The following IL1F10 variants were observed in gnomAD, a reference collection of about 807,000 sequenced individuals.
IL1F10 encodes the protein interleukin 1 family member 10, also known as interleukin-1 family member 10.
IL1F10 carries 13 observed loss-of-function variants against 13.1 expected under a neutral mutation model. The ratio of observed to expected loss-of-function variants is 0.99; its 90% CI spans 0.64 to 1.57. IL1F10 has a LOEUF of 1.57. IL1F10 is among the 40% of genes most tolerant of loss of function. The pLI, the probability that IL1F10 is intolerant of heterozygous loss-of-function variation, is 0.00. For synonymous variants in IL1F10, 78 were observed against 68.2 expected (o/e 1.14, Z -0.71); for missense variants, 191 against 184.1 (o/e 1.04, Z -0.22).
At chr2:113,071,473 T>C (rs919238653) in intron 1 of IL1F10, among the ~76,000 whole-genome samples, 1 of 152,246 alleles carries the variant, frequency 6.6e-6, no homozygotes, top group African/African-American at 2.4e-5. Flanking sequence ...CAGAATGCTT[T>C]AAGACTTTCA....
intron 2 of IL1F10, among the ~76,000 whole-genome samples, chr2:113,073,724 C>T (rs894627225): frequency 1.3e-5 from 2 of 152,114 alleles, no homozygotes; most frequent in East Asian, 3.9e-4. Context: ...AGAAAAATCC[C>T]CTGGAGGTGG....
At position 113,074,369 on chromosome 2, in the gene IL1F10, G is replaced by A; in HGVS notation, c.73G>A (p.Gly25Ser). Residue 25 changes from glycine to serine, a missense_variant, in exon 3 of 5, where the codon GGC becomes AGC. Physicochemically the swap from Gly to Ser is moderately conservative, Grantham distance 56 (BLOSUM62 0). Coordinates refer to ENST00000341010, the MANE Select transcript of IL1F10 (RefSeq NM_173161.3). The stretch of plus-strand genomic sequence containing the variant: ...CCAGAAGGCTCTATACACAAGAGAT[G>A]GCCAGCTGCTGGTGGGAGATCCTGT... ...ADQKALYTRDGQLLVGDPVAD... is the reference protein window; with the variant it reads ...ADQKALYTRDSQLLVGDPVAD... 6.2e-7 allele frequency: 1 copy of A among 1,613,920 alleles called. No homozygotes were observed. The highest frequency in any genetic ancestry group is 2.2e-5 in the East Asian group (1 of 44,880).
intron 3 of IL1F10, 126 bp from the exon 4 acceptor site, chr2:113,074,597 A>T (rs1479443199): frequency 2.4e-6 from 3 of 1,263,892 alleles, no homozygotes; most frequent in Non-Finnish European, 3.5e-6. Flanking sequence ...CTCACCGTCC[A>T]GTCTGCATGC....
At chr2:113,072,580 G>T in intron 1 of IL1F10, 131 bp from the exon 2 acceptor site, 1 of 605,398 alleles carries the variant, frequency 1.7e-6, no homozygotes, top group Non-Finnish European at 2.9e-6. Flanking sequence ...GTGGATTCTG[G>T]CAGGCCAATT....
At chr2:113,071,064 T>C (rs963186320) in intron 1 of IL1F10, among the ~76,000 whole-genome samples, 2 of 152,258 alleles carry the variant, frequency 1.3e-5, no homozygotes, top group Admixed American at 6.5e-5. Flanking sequence ...ATGTTCATTA[T>C]AGGAAAATGT....
At chr2:113,073,194 A>T (rs1450695290) in intron 2 of IL1F10, among the ~76,000 whole-genome samples, 2 of 152,130 alleles carry the variant, frequency 1.3e-5, no homozygotes, top group African/African-American at 2.4e-5. Flanking sequence ...TGTGGCCTTT[A>T]CTCCCAGTGT....
In IL1F10 at chr2:113,074,815, G is replaced by A; in HGVS notation, c.211G>A (p.Val71Met). Residue 71 changes from valine to methionine, a missense_variant, in exon 4 of 5, where the codon GTG becomes ATG. Coordinates refer to ENST00000341010, the MANE Select transcript of IL1F10 (RefSeq NM_173161.3). ...IQGGSRCLAC[V>M]ETEEGPSLQL... ...GGGAGGGAGCCGCTGCCTGGCATGT[G>A]TGGAGACAGAAGAGGGGCCTTCCCT... 3.7e-6 allele frequency: 6 copies of A among 1,613,170 alleles called. No individual in the cohort carries two copies. Among genetic ancestry groups the A allele is most frequent in the Non-Finnish European group, 5.1e-6 (6 of 1,180,018 alleles).
chr2:113,072,723 A>T lies in IL1F10; in HGVS notation c.-16A>T, dbSNP rs1317234740. ...TCCTCCCCATCAGTGAGGACCAGACACCACTGATTGCAGGAATGTGTTCCC... is the reference window on the plus strand; with the variant it reads ...TCCTCCCCATCAGTGAGGACCAGACTCCACTGATTGCAGGAATGTGTTCCC... On this transcript the variant is annotated 5_prime_UTR_variant, in exon 2 of 5. Transcript: ENST00000341010. 1.2e-6 allele frequency: 2 copies of T among 1,611,080 alleles called. No individual in the cohort carries two copies. The highest frequency in any genetic ancestry group is 1.7e-6 in the Non-Finnish European group (2 of 1,177,908).
At position 113,075,432 on chromosome 2, in the gene IL1F10, A is replaced by G; in HGVS notation, c.*68A>G. The G allele has an allele frequency of 8.5e-7, 1 of 1,182,404 alleles. No homozygotes were observed. Among genetic ancestry groups the G allele is most frequent in the Non-Finnish European group, 1.2e-6 (1 of 835,370 alleles). 73.2% of individuals were successfully genotyped at this position (1,182,404 alleles called of 1,614,324 possible). ...GCTCATCCTGCTCAGGGTCTATGGTAGGCAGAATAATGTCCCCCGAAATAT... is the reference window on the plus strand; with the variant it reads ...GCTCATCCTGCTCAGGGTCTATGGTGGGCAGAATAATGTCCCCCGAAATAT... On this transcript the variant is annotated 3_prime_UTR_variant, in exon 5 of 5. Coordinates refer to ENST00000341010, the MANE Select transcript of IL1F10 (RefSeq NM_173161.3).
At chr2:113,074,475 C>T (rs760645493) in intron 3 of IL1F10, 61 bp downstream of exon 3, 52 of 1,338,058 alleles carry the variant, frequency 3.9e-5, no homozygotes, top group Non-Finnish European at 5.5e-5. Flanking sequence ...TTCTCTTCTT[C>T]CCTTTCCTCC....
rs369094255 is a variant in IL1F10, at chr2:113,069,119, G to A, written c.-29+1103G>A. On this transcript the variant is annotated intron_variant, in intron 1 of 4. Transcript: ENST00000341010. ...GACAATGAGAAGGGATGACTTTTGA[G>A]GCAGGGAGAACAATGGGACACCTGT... is the stretch of plus-strand genomic sequence containing the variant. Among the ~76,000 whole-genome samples, 7 of 152,194 alleles carry A rather than the reference G, an allele frequency of 4.6e-5. No homozygotes were observed. In the East Asian group the frequency reaches 1.3e-3, roughly 29 times the overall value.
intron 2 of IL1F10, among the ~76,000 whole-genome samples, chr2:113,073,238 TTG>T (rs1685870578): frequency 6.6e-6 from 1 of 152,220 alleles, no homozygotes; most frequent in South Asian, 2.1e-4. Context: ...TTCATCTCAT[TTG>T]AGATTTGCAT....
intron 4 of IL1F10, 44 bp downstream of exon 4, chr2:113,074,894 C>A: frequency 6.3e-7 from 1 of 1,596,712 alleles, no homozygotes; most frequent in South Asian, 1.1e-5. Flanking sequence ...CAGACCTGGC[C>A]TGACCCCTGG....
intron 4 of IL1F10, 138 bp from the exon 5 acceptor site, chr2:113,075,014 C>G: frequency 8.2e-7 from 1 of 1,220,096 alleles, no homozygotes. Context: ...GACCCTTGCC[C>G]TCTAGAATCT....
chr2:113,070,762 C>A (rs1204269440), intron 1 of IL1F10, among the ~76,000 whole-genome samples: 1 of 152,192 alleles, frequency 6.6e-6, no homozygotes, highest in Non-Finnish European at 1.5e-5. Context: ...TCAGGCCCCA[C>A]CCCAGGCCTG....
intron 1 of IL1F10, among the ~76,000 whole-genome samples, chr2:113,071,432 G>T (rs917311789): frequency 2.0e-5 from 3 of 152,112 alleles, no homozygotes; most frequent in South Asian, 2.1e-4. Flanking sequence ...TTTCCTAAGA[G>T]TAAGGGAAAC....
intron 1 of IL1F10, among the ~76,000 whole-genome samples, chr2:113,071,643 G>A (rs1024129030): frequency 6.6e-6 from 1 of 152,122 alleles, no homozygotes; most frequent in African/African-American, 2.4e-5. Flanking sequence ...CTACAGCCCT[G>A]TTTCTGGAAC....
At chr2:113,071,442 C>T (rs1377877164) in intron 1 of IL1F10, among the ~76,000 whole-genome samples, 1 of 148,632 alleles carries the variant, frequency 6.7e-6, no homozygotes, top group Non-Finnish European at 1.5e-5. Flanking sequence ...GTAAGGGAAA[C>T]ACATGCAATC....
intron 2 of IL1F10, among the ~76,000 whole-genome samples, chr2:113,074,047 C>T (rs1229422582): frequency 6.6e-6 from 1 of 152,178 alleles, no homozygotes; most frequent in African/African-American, 2.4e-5. Context: ...ACCCCTCTGT[C>T]AGAGGGCATT....
Sources: gnomAD v4.1 joint callset for allele counts (sites outside exome capture counted in the v4.1 genomes callset) on GRCh38, gnomAD v4.1.1 for gene constraint, MANE v1.5 for transcripts, NCBI Gene and HGNC (gene_info 2026-07-23, HGNC 2026-07-21) for gene names.